KCNC2: variants seen among roughly 807,000 people sequenced by gnomAD.
KCNC2 encodes potassium voltage-gated channel subfamily C member 2, also known as voltage-gated potassium channel KCNC2.
KCNC2 carries 21 observed loss-of-function variants against 44.5 expected under a neutral mutation model. That is an observed-to-expected ratio of 0.47 (90% CI 0.33 to 0.68). The LOEUF (loss-of-function observed/expected upper bound fraction) is 0.68. KCNC2 is among the 30% of genes least tolerant of loss of function. KCNC2 has a pLI of 0.01. For missense variants in KCNC2, 589 were observed against 826.2 expected (o/e 0.71, Z 3.52); for synonymous variants, 391 against 339.1 (o/e 1.15, Z -1.68).
chr12:75,154,571 T>C (rs1302521217), intron 2 of KCNC2, among the ~76,000 whole-genome samples: 1 of 151,982 alleles, frequency 6.6e-6, no homozygotes, highest in African/African-American at 2.4e-5. Context: ...TAAGCTACAA[T>C]AAATCAGACT....
chr12:75,186,331 C>T (rs1276521430), intron 2 of KCNC2, among the ~76,000 whole-genome samples: 1 of 152,130 alleles, frequency 6.6e-6, no homozygotes, highest in East Asian at 1.9e-4. Context: ...ATGGAGCATG[C>T]ACAAACTCAA....
chr12:75,182,009 T>C (rs1355781098), intron 2 of KCNC2, among the ~76,000 whole-genome samples: 1 of 127,666 alleles, frequency 7.8e-6, no homozygotes, highest in African/African-American at 2.9e-5. Context: ...CCTGAACTCA[T>C]GATCTGCCCG....
chr12:75,061,253 T>A lies in KCNC2; in HGVS notation c.688-9936A>T, dbSNP rs570417495. ...ATTTACACCACTTTCCCCAAGTGGA[T>A]TTTTAAGAAGGTTCATGAAAACAAC... On this transcript the variant is annotated intron_variant, in intron 2 of 4. Transcript: ENST00000549446. 7.2e-5 allele frequency among the ~76,000 whole-genome samples: 11 copies of A among 152,182 alleles called. No homozygotes were observed. In the South Asian group the frequency reaches 2.3e-3, roughly 32 times the overall value.
chr12:75,172,797 A>G (rs746915626), intron 2 of KCNC2, among the ~76,000 whole-genome samples: 1 of 151,894 alleles, frequency 6.6e-6, no homozygotes, highest in Non-Finnish European at 1.5e-5. Context: ...CAAGGCTACT[A>G]TTCTATAAGA....
intron 2 of KCNC2, among the ~76,000 whole-genome samples, chr12:75,137,820 G>T: frequency 6.6e-6 from 1 of 152,126 alleles, no homozygotes; most frequent in South Asian, 2.1e-4. Flanking sequence ...TCTTCAGCCT[G>T]GGAAGGAACA....
intron 2 of KCNC2, among the ~76,000 whole-genome samples, chr12:75,079,961 A>G (rs958289001): frequency 6.6e-6 from 1 of 152,152 alleles, no homozygotes; most frequent in Non-Finnish European, 1.5e-5. Context: ...AAGTGAGAAT[A>G]AAAAGGAATA....
intron 2 of KCNC2, among the ~76,000 whole-genome samples, chr12:75,158,125 A>G (rs1016987845): frequency 2.6e-5 from 4 of 151,946 alleles, no homozygotes; most frequent in African/African-American, 9.7e-5. Context: ...CATAGCATTT[A>G]GTATTGATAA....
chr12:75,086,677 A>ATATATATAT (rs1471675084), intron 2 of KCNC2, among the ~76,000 whole-genome samples: 5 of 27,700 alleles, frequency 1.8e-4, no homozygotes, highest in African/African-American at 6.6e-4. Context: ...AAAAAAAAAA[A>ATATATATAT]AAAAATATAT....
intron 2 of KCNC2, among the ~76,000 whole-genome samples, chr12:75,086,131 T>C (rs1301649404): frequency 1.3e-5 from 2 of 152,098 alleles, no homozygotes; most frequent in African/African-American, 2.4e-5. Flanking sequence ...GAAACACTAA[T>C]GATGACTCTA....
At chr12:75,058,700 C>T (rs985707638) in intron 2 of KCNC2, among the ~76,000 whole-genome samples, 1 of 151,926 alleles carries the variant, frequency 6.6e-6, no homozygotes, top group Non-Finnish European at 1.5e-5. Context: ...AGTCCAGGTA[C>T]CTGTAAACCA....
At chr12:75,066,752 C>T (rs899538369) in intron 2 of KCNC2, among the ~76,000 whole-genome samples, 9 of 152,280 alleles carry the variant, frequency 5.9e-5, no homozygotes, top group Middle Eastern at 3.4e-3. Context: ...CAACATTTAA[C>T]AAGACGTGGT....
At chr12:75,152,385 C>A (rs1890464260) in intron 2 of KCNC2, among the ~76,000 whole-genome samples, 1 of 151,110 alleles carries the variant, frequency 6.6e-6, no homozygotes, top group Non-Finnish European at 1.5e-5. Flanking sequence ...ATAATAGAAA[C>A]CAAAAAAGAA....
chr12:75,092,780 A>G (rs1174360749), intron 2 of KCNC2, among the ~76,000 whole-genome samples: 1 of 151,710 alleles, frequency 6.6e-6, no homozygotes, highest in Non-Finnish European at 1.5e-5. Context: ...TACAAGAATA[A>G]CACACATATG....
chr12:75,158,844 C>A (rs767415479), intron 2 of KCNC2, among the ~76,000 whole-genome samples: 1 of 151,762 alleles, frequency 6.6e-6, no homozygotes, highest in Non-Finnish European at 1.5e-5. Flanking sequence ...TGAATATAAT[C>A]AAGTTATAGA....
intron 2 of KCNC2, among the ~76,000 whole-genome samples, chr12:75,116,226 AC>A (rs1414907684): frequency 1.3e-5 from 2 of 152,184 alleles, no homozygotes; most frequent in Non-Finnish European, 2.9e-5. Context: ...CGGTTGCAGG[AC>A]CTGAATTTAC....
At chr12:75,204,919 G>A (rs1264139582) in intron 2 of KCNC2, among the ~76,000 whole-genome samples, 1 of 152,100 alleles carries the variant, frequency 6.6e-6, no homozygotes, top group Non-Finnish European at 1.5e-5. Context: ...AATAAAAATG[G>A]AAAGTTCAAA....
At chr12:75,088,996 G>GA (rs774377752) in intron 2 of KCNC2, among the ~76,000 whole-genome samples, 1 of 151,758 alleles carries the variant, frequency 6.6e-6, no homozygotes, top group Non-Finnish European at 1.5e-5. Flanking sequence ...AAGTGAACAA[G>GA]AAAATGCATA....
chr12:75,146,910 T>C (rs1890066710), intron 2 of KCNC2, among the ~76,000 whole-genome samples: 2 of 152,040 alleles, frequency 1.3e-5, no homozygotes, highest in African/African-American at 4.8e-5. Flanking sequence ...TGTGCTGAGG[T>C]CTGAGTGAGA....
chr12:75,091,212 G>A (rs1448318888), intron 2 of KCNC2, among the ~76,000 whole-genome samples: 1 of 151,584 alleles, frequency 6.6e-6, no homozygotes, highest in African/African-American at 2.4e-5. Context: ...AGAAATTATT[G>A]AATTATTATT....
Sources: allele counts gnomAD v4.1 joint callset (sites outside exome capture counted in the v4.1 genomes callset), GRCh38; gene constraint gnomAD v4.1.1; transcripts MANE v1.5; gene names NCBI Gene and HGNC (gene_info 2026-07-23, HGNC 2026-07-21).